Variants in KAT2B observed in about 807,000 individuals in gnomAD.
KAT2B encodes the protein histone acetyltransferase KAT2B.
A neutral mutation model predicts 105.9 loss-of-function variants in KAT2B; 36 were observed. The ratio of observed to expected loss-of-function variants is 0.34; its 90% CI spans 0.26 to 0.45. The LOEUF is 0.45. Among genes scored for constraint, KAT2B ranks in the 20% least tolerant of loss-of-function variants. The probability of loss-of-function intolerance (pLI) is 1.00; values close to 1 mark genes in which losing one functional copy is unlikely to be tolerated. For missense variants in KAT2B, 820 were observed against 1,021.6 expected (o/e 0.80, Z 2.69); for synonymous variants, 397 against 377.9 (o/e 1.05, Z -0.59).
intron 3 of KAT2B, among the ~76,000 whole-genome samples, chr3:20,097,828 A>G (rs1698838008): frequency 6.6e-6 from 1 of 152,154 alleles, no homozygotes; most frequent in South Asian, 2.1e-4. Flanking sequence ...GAGCCACTGC[A>G]TCTGGCCCAT....
intron 1 of KAT2B, among the ~76,000 whole-genome samples, chr3:20,062,010 A>G (rs1698118940): frequency 1.3e-5 from 1 of 74,794 alleles, no homozygotes; most frequent in Admixed American, 1.9e-4. Flanking sequence ...CATATAATAT[A>G]TATTATATAT....
intron 1 of KAT2B, among the ~76,000 whole-genome samples, chr3:20,053,589 A>G (rs1334967700): frequency 5.9e-5 from 9 of 152,184 alleles, no homozygotes; most frequent in Non-Finnish European, 1.2e-4. Context: ...TTATGAGATC[A>G]GTGAGTTAAA....
Position 20,093,814 on chromosome 3 carries a change from T to C in KAT2B, c.431-1449T>C, listed in dbSNP as rs79098655. The stretch of plus-strand genomic sequence containing the variant: ...GTTCTTGAGGTGCCGCCTCCTGTTA[T>C]GTGGCAAACGTAGTAATAGATGTTG... On this transcript the variant is annotated intron_variant, in intron 2 of 17. Coordinates refer to ENST00000263754, the MANE Select transcript of KAT2B (RefSeq NM_003884.5). Among the ~76,000 whole-genome samples the C allele has an allele frequency of 4.6e-5, 7 of 152,320 alleles. No individual in the cohort carries two copies. The East Asian group carries it at 1.3e-3, about 29-fold the overall frequency.
intron 5 of KAT2B, among the ~76,000 whole-genome samples, chr3:20,108,511 C>G (rs1699062304): frequency 6.6e-6 from 1 of 152,132 alleles, no homozygotes; most frequent in Non-Finnish European, 1.5e-5. Context: ...GACAGTAGTC[C>G]TTTAAGATTA....
intron 5 of KAT2B, among the ~76,000 whole-genome samples, chr3:20,107,299 G>A (rs1248977602): frequency 6.7e-5 from 10 of 149,722 alleles, no homozygotes; most frequent in African/African-American, 2.2e-4. Flanking sequence ...CCAAAGTGCT[G>A]GGATTATAGG....
At position 20,062,281 on chromosome 3, in the gene KAT2B, AAATAT is replaced by A. The variant is rs1454008657; in HGVS notation, c.304-10045_304-10041del. Among the ~76,000 whole-genome samples, 26 of 55,496 alleles carry A rather than the reference AAATAT, an allele frequency of 4.7e-4. 3 individuals are homozygous for A. In the East Asian group the frequency reaches 6.5e-3, roughly 14 times the overall value. 36.4% of individuals were successfully genotyped at this position (55,496 alleles called of 152,430 possible). On this transcript the variant is annotated intron_variant, in intron 1 of 17. Transcript: ENST00000263754. ...TATGATATATAATATATAATATATA[AAATAT>A]AATATATAATATATAAAATATAATA...
At chr3:20,145,554 GTTTTTTT>G (rs550166293) in intron 13 of KAT2B, among the ~76,000 whole-genome samples, 8,684 of 92,522 alleles carry the variant, frequency 0.094, 170 homozygotes, top group Middle Eastern at 0.23. Flanking sequence ...GATTTTTTTA[GTTTTTTT>G]TTTTTTTTTT....
intron 3 of KAT2B, 89 bp downstream of exon 3, chr3:20,095,497 A>G: frequency 1.2e-6 from 1 of 804,528 alleles, no homozygotes; most frequent in Non-Finnish European, 2.0e-6. Flanking sequence ...GAAGGCTTTC[A>G]GCTCCTGGTA....
At chr3:20,046,964 A>G (rs1352350729) in intron 1 of KAT2B, among the ~76,000 whole-genome samples, 3 of 152,132 alleles carry the variant, frequency 2.0e-5, no homozygotes, top group African/African-American at 7.2e-5. Flanking sequence ...CCCCCAACGA[A>G]TGATTATCTG....
Position 20,148,321 on chromosome 3 carries a change from T to C in KAT2B, c.2220+15T>C, listed in dbSNP as rs1175870870. The C allele has an allele frequency of 6.2e-6, 10 of 1,612,666 alleles. No homozygotes were observed. In the African/African-American group the frequency reaches 1.2e-4, roughly 19 times the overall value. On this transcript the variant is annotated intron_variant, in intron 16 of 17. Transcript: ENST00000263754. ...AGCAGGTGAAGGTGGGTGTCCTCTT[T>C]ATTCACCTCATGCAAATATTTTGAA...
At chr3:20,101,159 A>T in intron 4 of KAT2B, 128 bp from the exon 5 acceptor site, 1 of 703,212 alleles carries the variant, frequency 1.4e-6, no homozygotes, top group Non-Finnish European at 2.3e-6. Context: ...GGGAAAAGGA[A>T]GAGATTTTTG....
chr3:20,072,420 A>C lies in KAT2B; in HGVS notation c.391A>C (p.Ser131Arg), dbSNP rs776641465. 3 of 1,613,772 alleles carry C rather than the reference A, an allele frequency of 1.9e-6. No individual in the cohort carries two copies. The highest frequency in any genetic ancestry group is 2.5e-6 in the Non-Finnish European group (3 of 1,179,754). The change falls in exon 2 of 18, where the codon AGT (serine) becomes CGT (arginine). Residue 131 changes from serine to arginine, a missense_variant. Ser to Arg is a moderately radical substitution (Grantham distance 110). Coordinates refer to ENST00000263754, the MANE Select transcript of KAT2B (RefSeq NM_003884.5). ...PRADLQQIIV[S>R]LTESCRSCSH... is the part of the protein sequence containing the mutation. ...AGCCGACCTGCAGCAAATAATTGTCAGTCTAACAGAATCCTGTCGGAGTTG... is the reference window on the plus strand; with the variant it reads ...AGCCGACCTGCAGCAAATAATTGTCCGTCTAACAGAATCCTGTCGGAGTTG...
At chr3:20,122,004 G>A (rs1032387077) in intron 8 of KAT2B, among the ~76,000 whole-genome samples, 2 of 151,992 alleles carry the variant, frequency 1.3e-5, no homozygotes, top group East Asian at 1.9e-4. Flanking sequence ...ACTGATTTCC[G>A]TACATATATG....
chr3:20,151,967 CCA>C (rs1699876050), intron 17 of KAT2B, among the ~76,000 whole-genome samples: 1 of 152,104 alleles, frequency 6.6e-6, no homozygotes, highest in African/African-American at 2.4e-5. Context: ...CTGCTCTACT[CCA>C]TATAGATAGA....
At chr3:20,043,416 A>G (rs191517987) in intron 1 of KAT2B, among the ~76,000 whole-genome samples, 2 of 152,340 alleles carry the variant, frequency 1.3e-5, no homozygotes, top group East Asian at 3.9e-4. Context: ...AGAGAAGTTC[A>G]GAAAAACTAC....
chr3:20,140,518 C>T (rs1699678218), intron 13 of KAT2B, among the ~76,000 whole-genome samples, 154 bp downstream of exon 13: 1 of 151,794 alleles, frequency 6.6e-6, no homozygotes, highest in Non-Finnish European at 1.5e-5. Flanking sequence ...TCTTTTTTGA[C>T]ACAGAGTCTC....
chr3:20,150,342 CTTAT>C (rs534173254), intron 17 of KAT2B, among the ~76,000 whole-genome samples: 2 of 152,234 alleles, frequency 1.3e-5, no homozygotes, highest in South Asian at 4.1e-4. Flanking sequence ...CCACGATTTC[CTTAT>C]TTGATTTTTC....
chr3:20,116,549 C>T (rs1015091166), intron 7 of KAT2B, among the ~76,000 whole-genome samples: 1 of 152,048 alleles, frequency 6.6e-6, no homozygotes, highest in Non-Finnish European at 1.5e-5. Flanking sequence ...TTAAAAAGCT[C>T]CCCAGGTAAT....
At chr3:20,049,508 T>A (rs1697877125) in intron 1 of KAT2B, among the ~76,000 whole-genome samples, 1 of 152,192 alleles carries the variant, frequency 6.6e-6, no homozygotes, top group African/African-American at 2.4e-5. Flanking sequence ...CCCAAGTAGA[T>A]CCTCTTTCCT....
Sources: gnomAD v4.1 joint callset for allele counts (sites outside exome capture counted in the v4.1 genomes callset) on GRCh38, gnomAD v4.1.1 for gene constraint, MANE v1.5 for transcripts, NCBI Gene and HGNC (gene_info 2026-07-23, HGNC 2026-07-21) for gene names.